The following MGLL variants were observed in gnomAD, a reference collection of about 807,000 sequenced individuals.
The protein encoded by MGLL is lysophospholipase homolog.
In MGLL, 7 loss-of-function variants were observed where a neutral mutation model predicts 29.1. That is an observed-to-expected ratio of 0.24 (90% CI 0.14 to 0.45). MGLL has a LOEUF of 0.45. Ranked by LOEUF, MGLL falls within the 20% of genes least tolerant of loss-of-function variation. The probability of loss-of-function intolerance (pLI) is 0.99; values close to 1 mark genes in which losing one functional copy is unlikely to be tolerated. For synonymous variants in MGLL, 148 were observed against 168.3 expected (o/e 0.88, Z 0.93); for missense variants, 356 against 413.6 (o/e 0.86, Z 1.21).
At chr3:127,791,681 G>A (rs1280315810) in intron 2 of MGLL, among the ~76,000 whole-genome samples, 1 of 152,176 alleles carries the variant, frequency 6.6e-6, no homozygotes. Context: ...TTGAGGCCCG[G>A]AGTTCCTTCC....
At chr3:127,716,350 T>A (rs996092897) in intron 5 of MGLL, among the ~76,000 whole-genome samples, 1 of 152,214 alleles carries the variant, frequency 6.6e-6, no homozygotes, top group African/African-American at 2.4e-5. Context: ...ACTCAACCGC[T>A]CTGCAGCAGG....
chr3:127,727,170 T>G (rs542317699), intron 3 of MGLL, among the ~76,000 whole-genome samples: 2 of 152,286 alleles, frequency 1.3e-5, no homozygotes, highest in South Asian at 2.1e-4. Context: ...TCAACACAAA[T>G]GTACTAGGCT....
At chr3:127,751,789 G>C (rs1000424066) in intron 3 of MGLL, among the ~76,000 whole-genome samples, 2 of 152,180 alleles carry the variant, frequency 1.3e-5, no homozygotes, top group African/African-American at 4.8e-5. Flanking sequence ...CTTTTGGCTT[G>C]ATTGAAACTG....
chr3:127,711,240 G>C (rs1231485582), intron 5 of MGLL: 1 of 179,100 alleles, frequency 5.6e-6, no homozygotes, highest in African/African-American at 2.3e-5. Flanking sequence ...AACATGGGCT[G>C]GGATTTCCAC....
intron 6 of MGLL, 100 bp from the exon 7 acceptor site, chr3:127,695,290 G>A (rs907136670): frequency 5.6e-6 from 7 of 1,245,434 alleles, no homozygotes; most frequent in Non-Finnish European, 6.8e-6. Flanking sequence ...TGGCCTGAAG[G>A]GTTGATTCCA....
chr3:127,710,901 G>C (rs1233822463), intron 5 of MGLL: 2 of 541,150 alleles, frequency 3.7e-6, no homozygotes, highest in Non-Finnish European at 6.7e-6. Flanking sequence ...CAGCCGCTGC[G>C]CCCAAGGTGG....
chr3:127,719,105 G>A (rs780932827), intron 5 of MGLL, among the ~76,000 whole-genome samples: 4 of 152,200 alleles, frequency 2.6e-5, no homozygotes, highest in African/African-American at 4.8e-5. Context: ...AGCTGGCTCC[G>A]AATGTCACAA....
intron 2 of MGLL, among the ~76,000 whole-genome samples, chr3:127,807,933 T>C (rs2077597261): frequency 6.6e-6 from 1 of 151,830 alleles, no homozygotes; most frequent in Non-Finnish European, 1.5e-5. Flanking sequence ...AGCTAATTTT[T>C]TGTATTTTAG....
intron 2 of MGLL, among the ~76,000 whole-genome samples, chr3:127,794,441 G>A (rs2077349856): frequency 6.6e-6 from 1 of 152,162 alleles, no homozygotes; most frequent in Non-Finnish European, 1.5e-5. Flanking sequence ...TGTCTTCTAT[G>A]ATGTAAGGAT....
chr3:127,711,835 T>A (rs181189061), intron 5 of MGLL: 1 of 152,034 alleles, frequency 6.6e-6, no homozygotes, highest in Non-Finnish European at 1.5e-5. Flanking sequence ...GTGATTCTCC[T>A]GCCTCAGCCT....
intron 2 of MGLL, among the ~76,000 whole-genome samples, chr3:127,788,207 T>C (rs939419560): frequency 6.6e-6 from 1 of 152,214 alleles, no homozygotes; most frequent in African/African-American, 2.4e-5. Flanking sequence ...GAGTTAGGCA[T>C]TAAATAACAT....
chr3:127,815,445 GGTACAGTCCAT>G (rs1266990670), intron 2 of MGLL, among the ~76,000 whole-genome samples: 1 of 152,188 alleles, frequency 6.6e-6, no homozygotes, highest in Non-Finnish European at 1.5e-5. Context: ...TGCATCCTCA[GGTACAGTCCAT>G]GTTCATCTCT....
At chr3:127,763,836 T>C (rs1159489496) in intron 3 of MGLL, among the ~76,000 whole-genome samples, 2 of 152,190 alleles carry the variant, frequency 1.3e-5, no homozygotes, top group Admixed American at 6.5e-5. Context: ...AGATGGGTCT[T>C]GTCCTCAAGG....
Position 127,781,785 on chromosome 3 carries a change from T to G in MGLL, c.262+4A>C. 6.2e-7 allele frequency: 1 copy of G among 1,613,994 alleles called. No individual in the cohort carries two copies. The highest frequency in any genetic ancestry group is 2.2e-5 in the East Asian group (1 of 44,884). On this transcript the variant is annotated splice_donor_region_variant and intron_variant, in intron 3 of 7. Coordinates refer to ENST00000265052, the MANE Select transcript of MGLL (RefSeq NM_007283.7). ...CAGCTCTGACGGCACCCTGGGACAC[T>G]CACCATGGTCGTGGGCGAACACCAG... is the stretch of plus-strand genomic sequence containing the variant.
At chr3:127,766,381 T>G (rs752447348) in intron 3 of MGLL, among the ~76,000 whole-genome samples, 3 of 152,204 alleles carry the variant, frequency 2.0e-5, no homozygotes, top group Admixed American at 6.5e-5. Flanking sequence ...CATTTCTAAT[T>G]TTAACTATGT....
chr3:127,820,737 C>A (rs572526017), intron 2 of MGLL, among the ~76,000 whole-genome samples: 1 of 152,202 alleles, frequency 6.6e-6, no homozygotes, highest in Admixed American at 6.5e-5. Context: ...CTTCTCAGCA[C>A]GTTACCCACT....
At chr3:127,709,075 T>C (rs1344124545) in intron 6 of MGLL, among the ~76,000 whole-genome samples, 2 of 152,252 alleles carry the variant, frequency 1.3e-5, no homozygotes, top group Non-Finnish European at 2.9e-5. Flanking sequence ...TCGATCTCAT[T>C]CATGTCAGGA....
intron 2 of MGLL, among the ~76,000 whole-genome samples, chr3:127,815,368 C>T (rs562259074): frequency 5.3e-5 from 8 of 152,342 alleles, no homozygotes; most frequent in African/African-American, 1.7e-4. Flanking sequence ...CCCTCAATAA[C>T]ACCAGCTCCT....
chr3:127,789,443 C>T (rs1005176050), intron 2 of MGLL, among the ~76,000 whole-genome samples: 4 of 152,236 alleles, frequency 2.6e-5, no homozygotes, highest in African/African-American at 7.2e-5. Context: ...TGAGATGGCT[C>T]ACGCCTATAA....
Sources: gnomAD v4.1 joint callset for allele counts (sites outside exome capture counted in the v4.1 genomes callset) on GRCh38, gnomAD v4.1.1 for gene constraint, MANE v1.5 for transcripts, NCBI Gene and HGNC (gene_info 2026-07-23, HGNC 2026-07-21) for gene names.